The following PDE1A variants were observed in gnomAD, a reference collection of about 807,000 sequenced individuals.
PDE1A encodes the protein phosphodiesterase 1A.
PDE1A carries 35 observed loss-of-function variants against 61.7 expected under a neutral mutation model. The observed-to-expected ratio is 0.57, with a 90% confidence interval of 0.43 to 0.75. PDE1A has a LOEUF of 0.75. Among genes scored for constraint, PDE1A ranks in the 30% least tolerant of loss-of-function variants. PDE1A has a pLI of 0.00. For synonymous variants in PDE1A, 232 were observed against 213.2 expected, an observed-to-expected ratio of 1.09 and a Z score of -0.77; for missense variants, 597 against 630.6, an observed-to-expected ratio of 0.95 and a Z score of 0.57.
At chr2:182,153,468 C>T (rs989460826) in intron 13 of PDE1A, among the ~76,000 whole-genome samples, 1 of 152,198 alleles carries the variant, frequency 6.6e-6, no homozygotes, top group African/African-American at 2.4e-5. Flanking sequence ...GCAATTATTT[C>T]TCCATCAGAG....
chr2:182,558,796 G>A, the PDE1A span, among the ~76,000 whole-genome samples: 1 of 152,176 alleles, frequency 6.6e-6, no homozygotes, highest in Non-Finnish European at 1.5e-5. Flanking sequence ...CTCAAATCAT[G>A]CAGTCTTCCA....
intron 1 of PDE1A, among the ~76,000 whole-genome samples, chr2:182,324,007 A>G (rs1696884907): frequency 6.6e-6 from 1 of 152,154 alleles, no homozygotes; most frequent in Non-Finnish European, 1.5e-5. Flanking sequence ...TAGGGAAGAC[A>G]TTTCTGCTTT....
chr2:182,524,811 A>G (rs1397247827), upstream of PDE1A, among the ~76,000 whole-genome samples: 4 of 152,064 alleles, frequency 2.6e-5, no homozygotes, highest in East Asian at 1.9e-4. Context: ...AAATGATCCA[A>G]TTTGTATGTC....
At chr2:182,639,537 C>T in the PDE1A span, among the ~76,000 whole-genome samples, 3 of 152,022 alleles carry the variant, frequency 2.0e-5, no homozygotes, top group Non-Finnish European at 4.4e-5. Flanking sequence ...CACTGCACTC[C>T]GGCCTGCATG....
intron 1 of PDE1A, among the ~76,000 whole-genome samples, chr2:182,338,521 ATTTG>A (rs202059903): frequency 2.6e-5 from 4 of 152,008 alleles, no homozygotes; most frequent in Admixed American, 6.6e-5. Flanking sequence ...GGTTTTATTT[ATTTG>A]TTTGTTTGTT....
chr2:182,305,499 A>G (rs762634338), intron 1 of PDE1A, among the ~76,000 whole-genome samples: 4 of 152,176 alleles, frequency 2.6e-5, no homozygotes, highest in Non-Finnish European at 5.9e-5. Context: ...CTCTAAATTA[A>G]TTCCAAGTTT....
At chr2:182,588,160 G>C in the PDE1A span, among the ~76,000 whole-genome samples, 1 of 152,202 alleles carries the variant, frequency 6.6e-6, no homozygotes. Flanking sequence ...AAGTAAGTAA[G>C]TTTGAATTCA....
the PDE1A span, among the ~76,000 whole-genome samples, chr2:182,560,467 T>G: frequency 6.6e-6 from 1 of 151,524 alleles, no homozygotes; most frequent in Non-Finnish European, 1.5e-5. Context: ...CTATCATTGT[T>G]GGACATTTGG....
At chr2:182,356,465 T>C (rs1306238654) in intron 1 of PDE1A, among the ~76,000 whole-genome samples, 1 of 152,154 alleles carries the variant, frequency 6.6e-6, no homozygotes, top group Non-Finnish European at 1.5e-5. Flanking sequence ...CATTGCTGTC[T>C]TATGATCTAA....
intron 13 of PDE1A, among the ~76,000 whole-genome samples, chr2:182,156,364 T>C (rs917152974): frequency 2.6e-5 from 4 of 152,080 alleles, no homozygotes; most frequent in African/African-American, 4.8e-5. Context: ...TTTTTTTTTT[T>C]ACCCAAGGTC....
chr2:182,522,758 T>C (rs921470041), upstream of PDE1A: 14 of 743,990 alleles, frequency 1.9e-5, 1 homozygote, highest in South Asian at 6.6e-4. Context: ...ACGAGCTCTA[T>C]TATGCACAAG....
At chr2:182,697,095 T>C in the PDE1A span, among the ~76,000 whole-genome samples, 2 of 152,198 alleles carry the variant, frequency 1.3e-5, no homozygotes, top group African/African-American at 2.4e-5. Context: ...CCCTCTGATA[T>C]ACCAAGATGG....
intron 1 of PDE1A, among the ~76,000 whole-genome samples, chr2:182,350,390 C>T (rs951157063): frequency 3.9e-5 from 6 of 152,236 alleles, no homozygotes; most frequent in African/African-American, 1.2e-4. Flanking sequence ...AGTGGAATTG[C>T]TGGGGATGCT....
the PDE1A span, among the ~76,000 whole-genome samples, chr2:182,650,908 G>T: frequency 2.0e-5 from 3 of 152,168 alleles, no homozygotes; most frequent in African/African-American, 7.2e-5. Flanking sequence ...TTAAATATCT[G>T]CCTTCATGTT....
At chr2:182,605,489 C>A in the PDE1A span, among the ~76,000 whole-genome samples, 6 of 152,340 alleles carry the variant, frequency 3.9e-5, no homozygotes, top group African/African-American at 1.4e-4. Flanking sequence ...GGAATGGATT[C>A]TCCCTCAGTC....
At chr2:182,658,346 A>G in the PDE1A span, among the ~76,000 whole-genome samples, 2 of 152,176 alleles carry the variant, frequency 1.3e-5, no homozygotes, top group Admixed American at 1.3e-4. Context: ...TGTCCCAGCC[A>G]TCATATGGTA....
intron 2 of PDE1A, among the ~76,000 whole-genome samples, chr2:182,444,467 T>C (rs956985645): frequency 2.0e-5 from 3 of 152,154 alleles, no homozygotes; most frequent in African/African-American, 4.8e-5. Flanking sequence ...ATTGAGAGAA[T>C]AACTCATCTT....
At chr2:182,654,400 G>C in the PDE1A span, among the ~76,000 whole-genome samples, 4 of 152,160 alleles carry the variant, frequency 2.6e-5, no homozygotes, top group Admixed American at 6.5e-5. Context: ...CCAGGTTGCA[G>C]TTTCACTTGG....
chr2:182,559,145 C>A, the PDE1A span, among the ~76,000 whole-genome samples: 11 of 152,014 alleles, frequency 7.2e-5, no homozygotes, highest in Non-Finnish European at 1.5e-4. Flanking sequence ...TTTTAAAAAA[C>A]CATTATAACA....
Sources: gnomAD v4.1 joint callset for allele counts (sites outside exome capture counted in the v4.1 genomes callset) on GRCh38, gnomAD v4.1.1 for gene constraint, MANE v1.5 for transcripts, NCBI Gene and HGNC (gene_info 2026-07-23, HGNC 2026-07-21) for gene names.